CREB3L2: variants seen among roughly 807,000 people sequenced by gnomAD.
CREB3L2 encodes the protein cAMP responsive element binding protein 3 like 2.
CREB3L2 carries 23 observed loss-of-function variants against 57.2 expected under a neutral mutation model. That is an observed-to-expected ratio of 0.40 (90% CI 0.29 to 0.57). The LOEUF (loss-of-function observed/expected upper bound fraction) is 0.57, where lower values mean the gene tolerates loss of function less well. Among genes scored for constraint, CREB3L2 ranks in the 20% least tolerant of loss-of-function variants. The pLI is 0.42. For synonymous variants in CREB3L2, 268 were observed against 265.1 expected (o/e 1.01, Z -0.11); for missense variants, 628 against 634.7 (o/e 0.99, Z 0.11).
intron 9 of CREB3L2, 84 bp from the exon 10 acceptor site, chr7:137,885,205 C>T (rs1380845306): frequency 2.0e-6 from 3 of 1,493,150 alleles, no homozygotes; most frequent in East Asian, 4.6e-5. Context: ...CCCAGGGACA[C>T]AGACTCTCCT....
chr7:137,896,413 C>G (rs999654086), intron 8 of CREB3L2, among the ~76,000 whole-genome samples: 5 of 152,090 alleles, frequency 3.3e-5, no homozygotes, highest in Non-Finnish European at 5.9e-5. Context: ...GTGATTCTCC[C>G]GCCTCAGCCT....
intron 2 of CREB3L2, chr7:137,922,671 C>A (rs1800361463): frequency 2.2e-6 from 1 of 445,898 alleles, no homozygotes; most frequent in Non-Finnish European, 4.5e-6. Context: ...AGATTTTTTT[C>A]AAATAAACGT....
chr7:137,904,807 C>T (rs1055439860), intron 6 of CREB3L2, among the ~76,000 whole-genome samples: 7 of 150,826 alleles, frequency 4.6e-5, no homozygotes, highest in Non-Finnish European at 7.4e-5. Context: ...CCACTACACT[C>T]CAGCCTGGGT....
At chr7:137,936,632 C>T (rs1315579362) in intron 1 of CREB3L2, among the ~76,000 whole-genome samples, 1 of 152,126 alleles carries the variant, frequency 6.6e-6, no homozygotes, top group East Asian at 1.9e-4. Flanking sequence ...GACAGTCCTG[C>T]CTGAGAAATG....
chr7:137,985,455 T>C (rs897914583), intron 1 of CREB3L2, among the ~76,000 whole-genome samples: 1 of 152,172 alleles, frequency 6.6e-6, no homozygotes, highest in Non-Finnish European at 1.5e-5. Context: ...GCCTCGTGGA[T>C]GGAGAGCGCT....
In CREB3L2 at chr7:137,885,086, G is replaced by A; in HGVS notation, c.1179C>T (p.Ser393=). Residue 393 remains serine (S), a synonymous_variant, in exon 10 of 12, where the codon AGC becomes AGT. Coordinates refer to ENST00000330387, the MANE Select transcript of CREB3L2 (RefSeq NM_194071.4). ...GATAGGGCCCGTAGCCTTGAAAGAA[G>A]CTGCCGAATGCAACGGCAAAGCACA... is the stretch of plus-strand genomic sequence containing the variant. The part of the protein sequence containing the change: ...VVLCFAVAFG[S]FFQGYGPYPS... 6.2e-7 allele frequency: 1 copy of A among 1,614,164 alleles called. No individual in the cohort carries two copies. Among genetic ancestry groups the A allele is most frequent in the Non-Finnish European group, 8.5e-7 (1 of 1,180,002 alleles).
intron 1 of CREB3L2, among the ~76,000 whole-genome samples, chr7:137,930,938 A>AG (rs1800601852): frequency 1.3e-5 from 2 of 151,788 alleles, no homozygotes; most frequent in Admixed American, 1.3e-4. Flanking sequence ...AAAAAAAAAA[A>AG]AAAAGAAACT....
At chr7:137,883,666 T>C (rs578038118) in intron 10 of CREB3L2, among the ~76,000 whole-genome samples, 1 of 152,344 alleles carries the variant, frequency 6.6e-6, no homozygotes, top group African/African-American at 2.4e-5. Context: ...AAATTTCTTA[T>C]GGTGGTGTAC....
At chr7:137,911,476 A>C (rs1193561154) in intron 4 of CREB3L2, among the ~76,000 whole-genome samples, 1 of 152,248 alleles carries the variant, frequency 6.6e-6, no homozygotes, top group Admixed American at 6.5e-5. Context: ...CTTTTCGGTG[A>C]CAACTGTATA....
At position 137,948,543 on chromosome 7, in the gene CREB3L2, AC is replaced by A. The variant is rs1801041776; in HGVS notation, c.103-20178del. On this transcript the variant is annotated intron_variant, in intron 1 of 11. Coordinates refer to ENST00000330387, the MANE Select transcript of CREB3L2 (RefSeq NM_194071.4). ...TTTCTCACTATTAGACTGTTTACTT[AC>A]TTGCAGAAAGCCACTGCAAGTTAAC... 3.9e-5 allele frequency among the ~76,000 whole-genome samples: 6 copies of A among 152,334 alleles called. 1 individual carries two copies. The South Asian group carries it at 1.2e-3, about 32-fold the overall frequency.
intron 1 of CREB3L2, among the ~76,000 whole-genome samples, chr7:137,974,683 A>G (rs1467517512): frequency 1.3e-5 from 2 of 152,242 alleles, no homozygotes; most frequent in Non-Finnish European, 2.9e-5. Flanking sequence ...AAAGAAGTGA[A>G]TGGAGTCAAG....
intron 1 of CREB3L2, chr7:137,933,876 CAGAGTGGGCCCATCTTTAAT>C (rs989003017): frequency 1.3e-5 from 2 of 152,224 alleles, no homozygotes; most frequent in Non-Finnish European, 2.9e-5. Flanking sequence ...AGGATCGGGC[CAGAGTGGGCCCATCTTTAAT>C]GCCAGCCAGT....
At chr7:137,892,232 A>G (rs1362481820) in intron 8 of CREB3L2, among the ~76,000 whole-genome samples, 3 of 152,056 alleles carry the variant, frequency 2.0e-5, no homozygotes, top group African/African-American at 7.2e-5. Flanking sequence ...AGTGAGGTGT[A>G]TGATGTATAT....
chr7:137,926,509 C>G (rs1363996446), intron 2 of CREB3L2, among the ~76,000 whole-genome samples: 5 of 152,070 alleles, frequency 3.3e-5, no homozygotes, highest in African/African-American at 1.2e-4. Flanking sequence ...GTTCTCACTC[C>G]TAAGTGGGAG....
intron 2 of CREB3L2, among the ~76,000 whole-genome samples, chr7:137,923,244 C>G (rs1800375578): frequency 6.6e-6 from 1 of 152,030 alleles, no homozygotes; most frequent in African/African-American, 2.4e-5. Flanking sequence ...ACTGCAATGG[C>G]TACGCAGAGA....
At chr7:137,981,862 A>G (rs1801717605) in intron 1 of CREB3L2, among the ~76,000 whole-genome samples, 1 of 152,256 alleles carries the variant, frequency 6.6e-6, no homozygotes, top group Non-Finnish European at 1.5e-5. Flanking sequence ...AAAGAAGTCA[A>G]CAAAGGGTTA....
At chr7:137,956,098 G>C (rs1801204877) in intron 1 of CREB3L2, among the ~76,000 whole-genome samples, 1 of 152,106 alleles carries the variant, frequency 6.6e-6, no homozygotes, top group South Asian at 2.1e-4. Context: ...CCAGGTATTT[G>C]GTGGCAAGAC....
chr7:137,975,452 T>G (rs1801589427), intron 1 of CREB3L2, among the ~76,000 whole-genome samples: 1 of 152,212 alleles, frequency 6.6e-6, no homozygotes, highest in African/African-American at 2.4e-5. Flanking sequence ...TGCAGGACTC[T>G]CGCCCCTTCT....
chr7:137,880,294 G>T lies in CREB3L2; in HGVS notation c.*182C>A. On this transcript the variant is annotated 3_prime_UTR_variant, in exon 12 of 12. Transcript: ENST00000330387. The surrounding 1 kb of genome is among the most constrained non-coding windows in gnomAD (Gnocchi z 4.0). The stretch of plus-strand genomic sequence containing the variant: ...GCTCCCTTCTGCACAGGAGGGGCAT[G>T]GACCAGGGGGAGATGCTCTCTCACT... 1.6e-6 allele frequency: 1 copy of T among 613,660 alleles called. No homozygotes were observed. The allele number at this position is 613,660 out of a possible 1,614,324, so 38.0% of individuals were successfully genotyped here.
Sources: allele counts gnomAD v4.1 joint callset (sites outside exome capture counted in the v4.1 genomes callset), GRCh38; gene constraint gnomAD v4.1.1; non-coding constraint Gnocchi (gnomAD v3.1); transcripts MANE v1.5; gene names NCBI Gene and HGNC (gene_info 2026-07-23, HGNC 2026-07-21).